Variants in GSE1 observed in about 807,000 individuals in gnomAD.
The protein encoded by GSE1 is genetic suppressor element 1.
GSE1 carries 32 observed loss-of-function variants against 112.6 expected under a neutral mutation model. The observed-to-expected ratio is 0.28, with a 90% CI of 0.21 to 0.38. The LOEUF is 0.38. Among genes scored for constraint, GSE1 ranks in the 10% least tolerant of loss-of-function variants. The probability of loss-of-function intolerance (pLI) is 1.00; values close to 1 mark genes in which losing one functional copy is unlikely to be tolerated. For synonymous variants in GSE1, 1,115 were observed against 735.6 expected (o/e 1.52, Z -8.35); for missense variants, 2,348 against 1,699.2 (o/e 1.38, Z -6.71).
intron 1 of GSE1, among the ~76,000 whole-genome samples, chr16:85,332,734 G>T (rs545889986): frequency 1.2e-4 from 18 of 152,270 alleles, no homozygotes; most frequent in African/African-American, 4.3e-4. Flanking sequence ...GGAAACACCA[G>T]TTCGGCCTCT....
At chr16:85,613,980 G>A (rs2048187146) in intron 1 of GSE1, among the ~76,000 whole-genome samples, 1 of 151,566 alleles carries the variant, frequency 6.6e-6, no homozygotes, top group African/African-American at 2.4e-5. Context: ...GCAGCCTGCC[G>A]GGTTTGTGAC....
intron 2 of GSE1, among the ~76,000 whole-genome samples, chr16:85,462,102 G>T (rs1354280297): frequency 6.6e-6 from 1 of 152,008 alleles, no homozygotes; most frequent in Non-Finnish European, 1.5e-5. Context: ...GCTGTGCTCT[G>T]CAGGGCTGTG....
intron 2 of GSE1, among the ~76,000 whole-genome samples, chr16:85,512,197 G>C (rs2051769715): frequency 6.6e-6 from 1 of 152,174 alleles, no homozygotes. Flanking sequence ...GTGTGGCCCT[G>C]GGGTCATCCT....
rs371328653 is a variant in GSE1 at position 85,672,533 on chromosome 16, C to A, written c.3648C>A (p.Pro1216=). ...HWPRGYLKGY[P]R ...CTAGGGGCTACCTGAAGGGATATCC[C>A]AGGTGACGGTTTCCCTTGCACTAGG... The change falls in exon 16 of 16, where the codon CCC becomes CCA. Residue 1216 remains proline (P), a synonymous_variant. Coordinates refer to ENST00000253458, the MANE Select transcript of GSE1 (RefSeq NM_014615.5). 4.4e-6 allele frequency: 7 copies of A among 1,603,428 alleles called. No individual in the cohort carries two copies. The African/African-American group carries it at 9.4e-5, about 21-fold the overall frequency.
intron 11 of GSE1, among the ~76,000 whole-genome samples, chr16:85,664,226 C>T (rs965464573): frequency 2.0e-5 from 3 of 152,242 alleles, no homozygotes; most frequent in African/African-American, 7.2e-5. Flanking sequence ...TGGCTTGGTG[C>T]CCAGATGTTG....
intron 2 of GSE1, among the ~76,000 whole-genome samples, chr16:85,548,284 C>T (rs973735077): frequency 6.8e-6 from 1 of 147,678 alleles, no homozygotes; most frequent in Non-Finnish European, 1.5e-5. Context: ...TCGAATTATT[C>T]TAGCTATTTT....
At chr16:85,363,306 G>A (rs2047121664) in intron 2 of GSE1, among the ~76,000 whole-genome samples, 1 of 152,226 alleles carries the variant, frequency 6.6e-6, no homozygotes, top group African/African-American at 2.4e-5. Flanking sequence ...CAGGGGTGCT[G>A]GGGCTGATTG....
intron 1 of GSE1, among the ~76,000 whole-genome samples, chr16:85,331,597 A>ATGTGTATT (rs2046364152): frequency 1.5e-5 from 2 of 134,194 alleles, no homozygotes; most frequent in African/African-American, 5.4e-5. Context: ...ATATGTGTAT[A>ATGTGTATT]TGTGTATTTG....
intron 1 of GSE1, among the ~76,000 whole-genome samples, chr16:85,244,990 C>CA (rs34575276): frequency 0.14 from 16,610 of 117,588 alleles, 1,157 homozygotes; most frequent in Non-Finnish European, 0.16. Flanking sequence ...GACTTCATCT[C>CA]AAAAAAAAAA....
chr16:85,455,381 AAGAGAGAGAG>A (rs147528394), intron 2 of GSE1, among the ~76,000 whole-genome samples: 20 of 149,742 alleles, frequency 1.3e-4, no homozygotes, highest in East Asian at 5.8e-4. Flanking sequence ...GGCATTACAA[AAGAGAGAGAG>A]AGAGAGAGAG....
At chr16:85,234,253 C>G (rs1373132880) in intron 1 of GSE1, among the ~76,000 whole-genome samples, 1 of 152,184 alleles carries the variant, frequency 6.6e-6, no homozygotes, top group Non-Finnish European at 1.5e-5. Flanking sequence ...AGGCTAGTCA[C>G]TTTACCTCTC....
chr16:85,321,873 A>G (rs1473464235), intron 1 of GSE1, among the ~76,000 whole-genome samples: 3 of 152,120 alleles, frequency 2.0e-5, no homozygotes, highest in African/African-American at 7.2e-5. Context: ...CTAGAGTAAC[A>G]GCCTCGGACA....
chr16:85,271,979 G>A (rs1908881504), intron 1 of GSE1, among the ~76,000 whole-genome samples: 1 of 152,216 alleles, frequency 6.6e-6, no homozygotes. Context: ...TTTCTGCAAG[G>A]GTTCCCCTTC....
intron 2 of GSE1, among the ~76,000 whole-genome samples, chr16:85,452,470 G>T (rs2049713879): frequency 6.6e-6 from 1 of 152,238 alleles, no homozygotes; most frequent in Non-Finnish European, 1.5e-5. Flanking sequence ...CTTTTAAGTT[G>T]GTTGATCTGG....
Position 85,338,160 on chromosome 16 carries a change from G to A in GSE1, c.2284-19303G>A, listed in dbSNP as rs547175387. On this transcript the variant is annotated intron_variant, in intron 1 of 2. Transcript: ENST00000637419. ...AGCCTGGGCTGCCCACGGCAGGGCAGGGCAGGCTGCCTGGGCGTTGCCTGC... is the reference window on the plus strand; with the variant it reads ...AGCCTGGGCTGCCCACGGCAGGGCAAGGCAGGCTGCCTGGGCGTTGCCTGC... Among the ~76,000 whole-genome samples, 35 of 152,346 alleles carry A rather than the reference G, an allele frequency of 2.3e-4. 1 individual carries two copies. Among genetic ancestry groups the A allele is most frequent in the South Asian group, 2.3e-3 (11 of 4,824 alleles).
chr16:85,221,213 C>T (rs919930076), intron 1 of GSE1, among the ~76,000 whole-genome samples: 6 of 151,952 alleles, frequency 3.9e-5, no homozygotes, highest in South Asian at 2.1e-4. Context: ...CCGTGCTGGG[C>T]GGGCGGGGGG....
intron 1 of GSE1, among the ~76,000 whole-genome samples, chr16:85,241,653 C>T (rs980245379): frequency 6.6e-6 from 1 of 152,190 alleles, no homozygotes; most frequent in Non-Finnish European, 1.5e-5. Context: ...AGCCACCGAA[C>T]AGGGATTCAA....
chr16:85,666,423 C>T (rs1364150999), intron 13 of GSE1, 76 bp downstream of exon 13: 5 of 1,463,788 alleles, frequency 3.4e-6, no homozygotes, highest in East Asian at 2.3e-5. Context: ...GCCACAGCTG[C>T]TCAGCCGTTC....
chr16:85,449,841 TGAC>T (rs1335931298), intron 2 of GSE1, among the ~76,000 whole-genome samples: 2 of 152,226 alleles, frequency 1.3e-5, no homozygotes, highest in Non-Finnish European at 2.9e-5. Flanking sequence ...AATCTGATGA[TGAC>T]AACAATAATC....
Sources: gnomAD v4.1 joint callset for allele counts (sites outside exome capture counted in the v4.1 genomes callset) on GRCh38, gnomAD v4.1.1 for gene constraint, MANE v1.5 for transcripts, NCBI Gene and HGNC (gene_info 2026-07-23, HGNC 2026-07-21) for gene names.